The following NUDT22 variants were observed in gnomAD, a reference collection of about 807,000 sequenced individuals.
NUDT22 encodes uridine diphosphate glucose pyrophosphatase NUDT22.
A neutral mutation model predicts 28.8 loss-of-function variants in NUDT22; 23 were observed. That is an observed-to-expected ratio of 0.80 (90% CI 0.58 to 1.13). NUDT22 has a LOEUF of 1.13. Among genes scored for constraint, NUDT22 ranks in the 50% most tolerant of loss-of-function variants. The pLI is 0.00. For missense variants in NUDT22, 358 were observed against 387.3 expected (o/e 0.92, Z 0.64); for synonymous variants, 175 against 173.7 (o/e 1.01, Z -0.06).
intron 4 of NUDT22, 38 bp downstream of exon 4, chr11:64,229,382 A>T (rs368240590): frequency 1.2e-6 from 2 of 1,610,712 alleles, no homozygotes; most frequent in African/African-American, 2.7e-5. Flanking sequence ...GGTCTTGGGA[A>T]GGTGGGTGGT....
In NUDT22 at chr11:64,229,236, C is replaced by G. The variant is rs373649855; in HGVS notation, c.580-11C>G. On this transcript the variant is annotated splice_polypyrimidine_tract_variant and intron_variant, in intron 3 of 5. Transcript: ENST00000279206. ...AGGTGGGACCTCCCCCCACCCCACC[C>G]TCCACCGCAGGTGAACCTGCCGCTG... The G allele has an allele frequency of 7.7e-6, 12 of 1,556,012 alleles. No individual in the cohort carries two copies. Among genetic ancestry groups the G allele is most frequent in the Non-Finnish European group, 9.6e-6 (11 of 1,149,412 alleles).
chr11:64,226,521 G>T (rs1947024215), intron 1 of NUDT22, 94 bp downstream of exon 1: 2 of 1,488,298 alleles, frequency 1.3e-6, no homozygotes, highest in East Asian at 2.3e-5. Context: ...GGTCAGGGGG[G>T]TGGAGAAGCG....
At chr11:64,227,209 C>G (rs766456821) in intron 2 of NUDT22, 77 bp downstream of exon 2, 3 of 1,509,278 alleles carry the variant, frequency 2.0e-6, no homozygotes, top group Non-Finnish European at 2.7e-6. Context: ...ATCCTCCCAG[C>G]TTTGGTTTCC....
At position 64,226,337 on chromosome 11, in the gene NUDT22, A is replaced by G. The variant is rs1011889508; in HGVS notation, c.-109A>G. On this transcript the variant is annotated 5_prime_UTR_variant, in exon 1 of 6. Transcript: ENST00000279206. ...GAGGCTGGAGCTTCCGGGCCCTGGA[A>G]AGGGGTCCCCGCGCGCCCCGGGTCG... The G allele has an allele frequency of 1.1e-4, 127 of 1,196,374 alleles. No individual in the cohort carries two copies. The highest frequency in any genetic ancestry group is 1.2e-4 in the Non-Finnish European group (114 of 958,260). 74.1% of individuals were successfully genotyped at this position (1,196,374 alleles called of 1,614,324 possible). A position where few individuals can be genotyped will look rare whatever the true frequency, so the allele number is the denominator to read the frequency against.
At chr11:64,226,472 T>C in intron 1 of NUDT22, 45 bp downstream of exon 1, 1 of 1,414,108 alleles carries the variant, frequency 7.1e-7, no homozygotes, top group East Asian at 2.6e-5. Flanking sequence ...GACTCGGGGC[T>C]CCTGCGGGGA....
chr11:64,227,446 T>C (rs1947066842), intron 2 of NUDT22, 122 bp from the exon 3 acceptor site: 3 of 806,694 alleles, frequency 3.7e-6, no homozygotes, highest in East Asian at 5.0e-5. Context: ...AGACTCAGGA[T>C]CACTAACTCT....
chr11:64,226,806 C>A lies in NUDT22; in HGVS notation c.154C>A (p.Gln52Lys), dbSNP rs200450008. ...TAIWETRLKA[Q>K]PWLFDAPKFR... ...CATCTGGGAGACCCGGCTAAAGGCC[C>A]AACCCTGGCTCTTCGACGCCCCCAA... The change falls in exon 2 of 6, where the codon CAA becomes AAA. Residue 52 changes from glutamine to lysine, a missense_variant. Gln to Lys is a moderately conservative substitution (Grantham distance 53). Transcript: ENST00000279206. 137 of 1,610,304 alleles carry A rather than the reference C, an allele frequency of 8.5e-5. No homozygotes were observed. Among genetic ancestry groups the A allele is most frequent in the Admixed American group, 2.0e-4 (12 of 60,020 alleles).
chr11:64,226,327 G>A lies in NUDT22; in HGVS notation c.-119G>A, dbSNP rs1947015973. ...GCGCCCGCTGGAGGCTGGAGCTTCCGGGCCCTGGAAAGGGGTCCCCGCGCG... is the reference window on the plus strand; with the variant it reads ...GCGCCCGCTGGAGGCTGGAGCTTCCAGGCCCTGGAAAGGGGTCCCCGCGCG... On this transcript the variant is annotated 5_prime_UTR_variant, in exon 1 of 6. Coordinates refer to ENST00000279206, the MANE Select transcript of NUDT22 (RefSeq NM_032344.4). 8.6e-7 allele frequency: 1 copy of A among 1,168,014 alleles called. No homozygotes were observed. The highest frequency in any genetic ancestry group is 1.1e-6 in the Non-Finnish European group (1 of 932,386). The allele number at this position is 1,168,014 out of a possible 1,614,324, so 72.4% of individuals were successfully genotyped here. A position where few individuals can be genotyped will look rare whatever the true frequency, so the allele number is the denominator to read the frequency against.
At position 64,226,904 on chromosome 11, in the gene NUDT22, T is replaced by G. The variant is rs1947041390; in HGVS notation, c.252T>G (p.Leu84=). 3 of 1,603,002 alleles carry G rather than the reference T, an allele frequency of 1.9e-6. No homozygotes were observed. The highest frequency in any genetic ancestry group is 4.5e-5 in the East Asian group (2 of 44,888). ...RGPQLLLRLG[L]TSYRDFLGTN... is the part of the protein sequence containing the mutation. ...CACAGCTGCTCCTGCGCCTGGGCCT[T>G]ACTTCCTACCGAGACTTCCTGGGCA... Residue 84 remains leucine (L), a synonymous_variant, in exon 2 of 6, where the codon CTT becomes CTG. Transcript: ENST00000279206.
At chr11:64,227,761 G>A (rs1947080979) in intron 3 of NUDT22, 95 bp downstream of exon 3, 1 of 973,962 alleles carries the variant, frequency 1.0e-6, no homozygotes, top group Non-Finnish European at 1.6e-6. Context: ...GAGGCCTGCA[G>A]GCATCTGGCC....
chr11:64,229,027 T>C (rs1947123334), intron 3 of NUDT22: 1 of 532,532 alleles, frequency 1.9e-6, no homozygotes. Flanking sequence ...TAAATTGACT[T>C]CTCTTGGGTG....
downstream of NUDT22, chr11:64,230,115 GC>G: frequency 2.1e-6 from 2 of 967,006 alleles, no homozygotes; most frequent in Non-Finnish European, 1.6e-6. Flanking sequence ...AAAAAAACCC[GC>G]CCAGCCTGTG....
chr11:64,227,593 A>C lies in NUDT22; in HGVS notation c.506A>C (p.Gln169Pro). The change falls in exon 3 of 6, where the codon CAG (glutamine) becomes CCG (proline). Residue 169 changes from glutamine to proline, a missense_variant. Transcript: ENST00000279206. ...PQALCPGGSP[Q>P]HQDLAGQLVV... ...GCCCTGTGCCCTGGTGGCAGCCCCCAGCACCAGGACCTCGCTGGGCAGCTG... is the reference window on the plus strand; with the variant it reads ...GCCCTGTGCCCTGGTGGCAGCCCCCCGCACCAGGACCTCGCTGGGCAGCTG... 6.2e-7 allele frequency: 1 copy of C among 1,613,924 alleles called. No individual in the cohort carries two copies. Among genetic ancestry groups the C allele is most frequent in the South Asian group, 1.1e-5 (1 of 91,090 alleles).
At position 64,227,569 on chromosome 11, in the gene NUDT22, C is replaced by A; in HGVS notation, c.482C>A (p.Ala161Asp). 1 of 1,612,946 alleles carries A rather than the reference C, an allele frequency of 6.2e-7. No homozygotes were observed. The highest frequency in any genetic ancestry group is 8.5e-7 in the Non-Finnish European group (1 of 1,179,308). The change falls in exon 3 of 6, where the codon GCC (alanine) becomes GAC (aspartate). Residue 161 changes from alanine (A) to aspartate (D), a missense_variant and splice_region_variant. Ala to Asp is a moderately radical substitution (Grantham distance 126). Transcript: ENST00000279206. Reference sequence around the variant, plus strand: ...GGGGCTGAGCCTGACCTCTCACAGGCCCTGTGCCCTGGTGGCAGCCCCCAG... The same window carrying A: ...GGGGCTGAGCCTGACCTCTCACAGGACCTGTGCCCTGGTGGCAGCCCCCAG... ...DVPGGHPEPQ[A>D]LCPGGSPQHQ... is the part of the protein sequence containing the mutation.
At chr11:64,229,175 A>T (rs1947125682) in intron 3 of NUDT22, 72 bp from the exon 4 acceptor site, 1 of 1,095,520 alleles carries the variant, frequency 9.1e-7, no homozygotes, top group South Asian at 1.5e-5. Flanking sequence ...GCGGTTTTTC[A>T]TTGAGACGGG....
chr11:64,228,203 G>T (rs1463816185), intron 3 of NUDT22, among the ~76,000 whole-genome samples: 15 of 139,828 alleles, frequency 1.1e-4, no homozygotes, highest in African/African-American at 1.6e-4. Context: ...TTTTCTTTTT[G>T]AGACAGAGTC....
chr11:64,229,320 G>A lies in NUDT22; in HGVS notation c.653G>A (p.Arg218Gln), dbSNP rs147573630. Residue 218 changes from arginine (R) to glutamine (Q), a missense_variant, in exon 4 of 6, where the codon CGA (arginine) becomes CAA (glutamine). By Grantham distance (43) the Arg-to-Gln change is conservative. Transcript: ENST00000279206. ...GCCCGAAATGAGACCAGTGCTGGCC[G>A]AGCCAGTGCCGAGTTCTATGTCCAG... ...GIARNETSAG[R>Q]ASAEFYVQCS... The A allele has an allele frequency of 1.4e-5, 23 of 1,610,318 alleles. No individual in the cohort carries two copies. The highest frequency in any genetic ancestry group is 8.8e-5 in the South Asian group (8 of 90,606).
chr11:64,226,712 G>C lies in NUDT22; in HGVS notation c.60G>C (p.Gln20His), dbSNP rs776873358. Residue 20 changes from glutamine to histidine, a missense_variant, in exon 2 of 6, where the codon CAG (glutamine) becomes CAC (histidine). Gln to His is a conservative substitution (Grantham distance 24, BLOSUM62 0). Transcript: ENST00000279206. Reference protein sequence around the residue: ...QCPGGGLPQEQIQAELSPAHD... With the variant: ...QCPGGGLPQEHIQAELSPAHD... ...CTGGCGGGGGCCTGCCCCAGGAGCA[G>C]ATACAGGCCGAGCTGAGCCCCGCCC... 5.6e-6 allele frequency: 9 copies of C among 1,610,422 alleles called. No homozygotes were observed. In the South Asian group the frequency reaches 7.7e-5, roughly 14 times the overall value.
downstream of NUDT22, chr11:64,230,213 G>T (rs772919063): frequency 1.5e-6 from 1 of 684,624 alleles, no homozygotes; most frequent in Non-Finnish European, 2.7e-6. Flanking sequence ...AGCTCCGTAA[G>T]ATATACCTCG....
Sources: allele counts gnomAD v4.1 joint callset (sites outside exome capture counted in the v4.1 genomes callset), GRCh38; gene constraint gnomAD v4.1.1; transcripts MANE v1.5; gene names NCBI Gene and HGNC (gene_info 2026-07-23, HGNC 2026-07-21).